ZNF462: variants seen among roughly 807,000 people sequenced by gnomAD.
ZNF462 encodes zinc finger PBX1-interacting protein.
Under a neutral mutation model 201.9 loss-of-function variants are expected in ZNF462, and 10 were observed. The ratio of observed to expected loss-of-function variants is 0.05; its 90% CI spans 0.03 to 0.08. ZNF462 has a LOEUF of 0.08. Among genes scored for constraint, ZNF462 ranks in the 10% least tolerant of loss-of-function variants. The pLI is 1.00. For synonymous variants in ZNF462, 1,227 were observed against 1,193.3 expected, an observed-to-expected ratio of 1.03 and a Z score of -0.58; for missense variants, 2,523 against 3,168.3, an observed-to-expected ratio of 0.80 and a Z score of 4.89.
At position 107,009,469 on chromosome 9, in the gene ZNF462, A is replaced by G; in HGVS notation, c.7190-76A>G. 1.3e-6 allele frequency: 2 copies of G among 1,581,028 alleles called. No individual in the cohort carries two copies. The highest frequency in any genetic ancestry group is 1.7e-6 in the Non-Finnish European group (2 of 1,156,884). Reference sequence around the variant, plus strand: ...TATCAGTGAAGGTAGGAGAGAGGGTATCCTAATGAATGCTGACTTACCTAT... The same window carrying G: ...TATCAGTGAAGGTAGGAGAGAGGGTGTCCTAATGAATGCTGACTTACCTAT... On this transcript the variant is annotated intron_variant, in intron 11 of 12. Transcript: ENST00000277225. The surrounding 1 kb of genome is among the most constrained non-coding windows in gnomAD (Gnocchi z 6.1).
At chr9:106,860,636 T>C (rs538187619), upstream of ZNF462, among the ~76,000 whole-genome samples, 7 of 152,360 alleles carry the variant, frequency 4.6e-5, no homozygotes, top group South Asian at 1.4e-3. This position sits in a 1 kb window ranked among gnomAD's most constrained non-coding sequence, Gnocchi z 7.1. Flanking sequence ...ACGATTGTTA[T>C]TTTCCCGGTG....
In ZNF462 at chr9:106,929,719, A is replaced by G. The variant is rs951789862; in HGVS notation, c.5807A>G (p.Lys1936Arg). ...AGGAAACAGCTTTTGAGCAAGCAGA[A>G]ATATGCAGATGGTGCTTTTGCAGAT... ...ERRKQLLSKQ[K>R]YADGAFADFK... Residue 1936 changes from lysine (K) to arginine (R), a missense_variant, in exon 3 of 13, where the codon AAA (lysine) becomes AGA (arginine). Physicochemically the swap from Lys to Arg is conservative, Grantham distance 26. This residue lies in a region of ZNF462 where 107 missense variants were observed against 187.7 expected (regional missense o/e 0.57). Transcript: ENST00000277225. The surrounding 1 kb of genome is among the most constrained non-coding windows in gnomAD (Gnocchi z 8.7). The G allele has an allele frequency of 1.9e-6, 3 of 1,613,988 alleles. No homozygotes were observed. In the African/African-American group the frequency reaches 4.0e-5, roughly 22 times the overall value.
chr9:106,892,726 A>G (rs1828642362), intron 1 of ZNF462, among the ~76,000 whole-genome samples: 1 of 149,022 alleles, frequency 6.7e-6, no homozygotes, highest in South Asian at 2.1e-4. Flanking sequence ...ACACACACAC[A>G]TGTTATGCAT....
chr9:106,950,604 C>A lies in ZNF462; in HGVS notation c.6427+11497C>A, dbSNP rs926025742. ...CTATTAGAAGAAACATAATAATTGT[C>A]ATAACTAAACCACAGGCAGACAGTG... On this transcript the variant is annotated intron_variant, in intron 7 of 12. Transcript: ENST00000277225. The surrounding 1 kb of genome is among the most constrained non-coding windows in gnomAD (Gnocchi z 4.1). 1.3e-5 allele frequency among the ~76,000 whole-genome samples: 2 copies of A among 152,158 alleles called. No individual in the cohort carries two copies. The highest frequency in any genetic ancestry group is 2.9e-5 in the Non-Finnish European group (2 of 68,024).
chr9:107,001,935 T>A (rs1380508555), intron 10 of ZNF462, among the ~76,000 whole-genome samples: 2 of 152,126 alleles, frequency 1.3e-5, no homozygotes, highest in African/African-American at 4.8e-5. Context: ...TGAGTTCTTC[T>A]CCTCCTGAAT....
In ZNF462 at chr9:106,883,170, G is replaced by A. The variant is rs74633532; in HGVS notation, c.-31+19815G>A. Reference sequence around the variant, plus strand: ...TCCTGTTAGTCCCAACCTCACTGAAGGACATATTCTGAAGAGCCAGCTCAT... The same window carrying A: ...TCCTGTTAGTCCCAACCTCACTGAAAGACATATTCTGAAGAGCCAGCTCAT... On this transcript the variant is annotated intron_variant, in intron 1 of 12. Coordinates refer to ENST00000277225, the MANE Select transcript of ZNF462 (RefSeq NM_021224.6). This position sits in a 1 kb window ranked among gnomAD's most constrained non-coding sequence, Gnocchi z 4.9. Among the ~76,000 whole-genome samples the A allele has an allele frequency of 5.8e-4, 89 of 152,314 alleles. No individual in the cohort carries two copies. The highest frequency in any genetic ancestry group is 2.0e-3 in the African/African-American group (84 of 41,576).
rs1429621197 is a variant in ZNF462 at position 106,865,825 on chromosome 9, A to T, written c.-31+2470A>T. On this transcript the variant is annotated intron_variant, in intron 1 of 12. Transcript: ENST00000277225. The surrounding 1 kb of genome is among the most constrained non-coding windows in gnomAD (Gnocchi z 4.1). ...GACATTTTGTGAGGATAATTTGAAA[A>T]AAGGACCCAGTGCTACCCTAGTCCA... Among the ~76,000 whole-genome samples, 1 of 152,218 alleles carries T rather than the reference A, an allele frequency of 6.6e-6. No homozygotes were observed. The highest frequency in any genetic ancestry group is 2.4e-5 in the African/African-American group (1 of 41,450).
chr9:106,882,431 A>G lies in ZNF462; in HGVS notation c.-31+19076A>G, dbSNP rs137872051. Among the ~76,000 whole-genome samples the G allele has an allele frequency of 9.2e-3, 1,397 of 152,364 alleles. 21 individuals are homozygous for G. The highest frequency in any genetic ancestry group is 0.032 in the African/African-American group (1,327 of 41,584). On this transcript the variant is annotated intron_variant, in intron 1 of 12. Coordinates refer to ENST00000277225, the MANE Select transcript of ZNF462 (RefSeq NM_021224.6). ...CTGAGCAGTCATTTCTGCCTGAAAC[A>G]TCGCTAGATTTATAGCATTCAATTA...
intron 10 of ZNF462, among the ~76,000 whole-genome samples, chr9:106,990,237 C>T (rs758826872): frequency 6.6e-6 from 1 of 151,950 alleles, no homozygotes; most frequent in South Asian, 2.1e-4. Context: ...TTTGAAGATT[C>T]CTTTTTAGAG....
At chr9:106,999,792 A>T (rs1829043311) in intron 10 of ZNF462, among the ~76,000 whole-genome samples, 1 of 152,206 alleles carries the variant, frequency 6.6e-6, no homozygotes, top group African/African-American at 2.4e-5. Flanking sequence ...TATAAAAGAA[A>T]CTATTTTAAA....
At position 106,971,375 on chromosome 9, in the gene ZNF462, A is replaced by C. The variant is rs201969783; in HGVS notation, c.6428-630A>C. ...ATGCTGCGATTTCCTTTAAAAAAAAAAACAACAACAACAAAATAAAACAAA... is the reference window on the plus strand; with the variant it reads ...ATGCTGCGATTTCCTTTAAAAAAAACAACAACAACAACAAAATAAAACAAA... On this transcript the variant is annotated intron_variant, in intron 7 of 12. Transcript: ENST00000277225. 8.6e-3 allele frequency among the ~76,000 whole-genome samples: 1,301 copies of C among 151,268 alleles called. 8 individuals carry two copies. Among genetic ancestry groups the C allele is most frequent in the African/African-American group, 0.027 (1,093 of 41,032 alleles).
chr9:106,936,888 C>T (rs1363963667), intron 6 of ZNF462, among the ~76,000 whole-genome samples: 2 of 152,178 alleles, frequency 1.3e-5, no homozygotes, highest in African/African-American at 4.8e-5. Context: ...ACCCAAAAAA[C>T]TGGCCTCCCT....
At chr9:106,879,886 C>A (rs1222499962) in intron 1 of ZNF462, among the ~76,000 whole-genome samples, 1 of 152,142 alleles carries the variant, frequency 6.6e-6, no homozygotes, top group East Asian at 1.9e-4. Flanking sequence ...CAGGTCCTCT[C>A]ACTGGCATGA....
In ZNF462 at chr9:106,935,693, G is replaced by A; in HGVS notation, c.6235+72G>A. On this transcript the variant is annotated intron_variant, in intron 6 of 12. Transcript: ENST00000277225. This position sits in a 1 kb window ranked among gnomAD's most constrained non-coding sequence, Gnocchi z 4.1. The stretch of plus-strand genomic sequence containing the variant: ...TTTGAAACCTGATGATCTTTATTGA[G>A]TGAAATACTGTCCTGCCTTACACTT... The A allele has an allele frequency of 8.4e-7, 1 of 1,185,894 alleles. No homozygotes were observed. Among genetic ancestry groups the A allele is most frequent in the South Asian group, 1.3e-5 (1 of 78,850 alleles). The allele number at this position is 1,185,894 out of a possible 1,614,324, so 73.5% of individuals were successfully genotyped here.
chr9:106,947,237 C>T (rs1312563952), intron 7 of ZNF462, among the ~76,000 whole-genome samples: 2 of 152,198 alleles, frequency 1.3e-5, no homozygotes, highest in African/African-American at 2.4e-5. Context: ...TAGGGCCCAG[C>T]TAAAGTTTCA....
chr9:106,911,195 A>C (rs1194841875), intron 1 of ZNF462, among the ~76,000 whole-genome samples: 2 of 152,216 alleles, frequency 1.3e-5, no homozygotes, highest in Non-Finnish European at 2.9e-5. Context: ...GAGTGTACTC[A>C]TGTTAGTTTC....
In ZNF462 at chr9:106,885,444, T is replaced by C. The variant is rs886729238; in HGVS notation, c.-31+22089T>C. On this transcript the variant is annotated intron_variant, in intron 1 of 12. Transcript: ENST00000277225. This position sits in a 1 kb window ranked among gnomAD's most constrained non-coding sequence, Gnocchi z 4.1. ...AAGCAGCAGTCATGGCCCAAGAACCTGTGGTTCTTGGTTGTGTCCTTGCCA... is the reference window on the plus strand; with the variant it reads ...AAGCAGCAGTCATGGCCCAAGAACCCGTGGTTCTTGGTTGTGTCCTTGCCA... Among the ~76,000 whole-genome samples the C allele has an allele frequency of 6.6e-6, 1 of 152,140 alleles. No homozygotes were observed. The highest frequency in any genetic ancestry group is 1.5e-5 in the Non-Finnish European group (1 of 68,018).
In ZNF462 at chr9:107,006,890, T is replaced by C. The variant is rs2132717004; in HGVS notation, c.7190-2655T>C. Among the ~76,000 whole-genome samples, 1 of 152,342 alleles carries C rather than the reference T, an allele frequency of 6.6e-6. No individual in the cohort carries two copies. Among genetic ancestry groups the C allele is most frequent in the African/African-American group, 2.4e-5 (1 of 41,578 alleles). On this transcript the variant is annotated intron_variant, in intron 11 of 12. Coordinates refer to ENST00000277225, the MANE Select transcript of ZNF462 (RefSeq NM_021224.6). The surrounding 1 kb of genome is among the most constrained non-coding windows in gnomAD (Gnocchi z 4.3). ...GTTCTTATAAAGTTATTATTTTTAT[T>C]AGTAGAGGCTGTATTAATCCATTTC...
chr9:106,972,086 G>T lies in ZNF462; in HGVS notation c.6509G>T (p.Arg2170Leu), dbSNP rs372965051. ...QSAALARNNS[R>L]VSPVPLSGAA... ...GCTGCCCTGGCAAGGAACAACAGCC[G>T]TGTTAGCCCTGTGCCTCTTTCTGGG... The change falls in exon 8 of 13, where the codon CGT (arginine) becomes CTT (leucine). Residue 2170 changes from arginine (R) to leucine (L), a missense_variant. Around this residue, in one of 15 missense-constraint regions of ZNF462, gnomAD observed 138 missense variants for 146.3 expected, o/e 0.94. Coordinates refer to ENST00000277225, the MANE Select transcript of ZNF462 (RefSeq NM_021224.6). The surrounding 1 kb of genome is among the most constrained non-coding windows in gnomAD (Gnocchi z 4.8). 6.2e-7 allele frequency: 1 copy of T among 1,614,184 alleles called. No homozygotes were observed. Among genetic ancestry groups the T allele is most frequent in the Admixed American group, 1.7e-5 (1 of 60,026 alleles).
Sources: allele counts gnomAD v4.1 joint callset (sites outside exome capture counted in the v4.1 genomes callset), GRCh38; gene constraint gnomAD v4.1.1; regional missense constraint gnomAD v4.1.1; non-coding constraint Gnocchi (gnomAD v3.1); transcripts MANE v1.5; gene names NCBI Gene and HGNC (gene_info 2026-07-23, HGNC 2026-07-21).